CCNI: variants seen among roughly 807,000 people sequenced by gnomAD.
CCNI encodes cyclin I.
In CCNI, 14 loss-of-function variants were observed where a neutral mutation model predicts 34.1. That is an observed-to-expected ratio of 0.41 (90% CI 0.27 to 0.64). The LOEUF is 0.64. Ranked by LOEUF, CCNI falls within the 30% of genes least tolerant of loss-of-function variation. CCNI has a pLI of 0.31. For synonymous variants in CCNI, 154 were observed against 158.4 expected, an observed-to-expected ratio of 0.97 and a Z score of 0.21; for missense variants, 385 against 440.5, an observed-to-expected ratio of 0.87 and a Z score of 1.13.
intron 1 of CCNI, among the ~76,000 whole-genome samples, chr4:77,072,002 C>T (rs1215213185): frequency 1.3e-5 from 2 of 152,102 alleles, no homozygotes; most frequent in Non-Finnish European, 1.5e-5. Context: ...CAAATTCTTC[C>T]CAACTTATTC....
chr4:77,052,558 G>C (rs1253008210), intron 6 of CCNI, among the ~76,000 whole-genome samples: 1 of 152,146 alleles, frequency 6.6e-6, no homozygotes, highest in African/African-American at 2.4e-5. Context: ...ACCATACTTT[G>C]TCTCAAAGTG....
chr4:77,066,251 G>C lies in CCNI; in HGVS notation c.112C>G (p.Gln38Glu). ...TGTCTTAAGAGAAAAATCATTACCT[G>C]ATTTGAAGGCATTTTCCGCACATTC... ...KVNVRKMPSN[Q>E]NVSPSQRDEV... is the part of the protein sequence containing the mutation. The change falls in exon 2 of 7, where the codon CAG becomes GAG. Residue 38 changes from glutamine (Q) to glutamate (E), a missense_variant and splice_region_variant. Gln to Glu is a conservative substitution (Grantham distance 29). Coordinates refer to ENST00000237654, the MANE Select transcript of CCNI (RefSeq NM_006835.3). The C allele has an allele frequency of 6.2e-7, 1 of 1,613,348 alleles. No homozygotes were observed. The highest frequency in any genetic ancestry group is 1.1e-5 in the South Asian group (1 of 91,068).
At chr4:77,066,473 A>G in intron 1 of CCNI, 68 bp from the exon 2 acceptor site, 1 of 1,168,270 alleles carries the variant, frequency 8.6e-7, no homozygotes, top group Non-Finnish European at 1.2e-6. Flanking sequence ...GTACTAATTA[A>G]GCAACTCATA....
intron 2 of CCNI, among the ~76,000 whole-genome samples, chr4:77,065,260 A>C (rs1293428919): frequency 6.6e-6 from 1 of 152,220 alleles, no homozygotes; most frequent in East Asian, 1.9e-4. Flanking sequence ...CACACGAGGA[A>C]CTTACATATT....
At chr4:77,075,207 C>G (rs959723142) in intron 1 of CCNI, 2 of 152,180 alleles carry the variant, frequency 1.3e-5, no homozygotes, top group African/African-American at 4.8e-5. Flanking sequence ...AAAAGTTACT[C>G]GCTGACAGAA....
chr4:77,059,151 AGAT>A (rs1728432990), intron 2 of CCNI, among the ~76,000 whole-genome samples: 1 of 152,124 alleles, frequency 6.6e-6, no homozygotes, highest in Non-Finnish European at 1.5e-5. Context: ...ATACACTTAG[AGAT>A]GATGAAAAAA....
intron 2 of CCNI, chr4:77,064,622 C>CACACAA (rs746851003): frequency 6.7e-6 from 1 of 148,230 alleles, no homozygotes; most frequent in African/African-American, 2.5e-5. Context: ...CACACACACA[C>CACACAA]AAAATATCAC....
chr4:77,053,362 G>A (rs897639305), intron 6 of CCNI, among the ~76,000 whole-genome samples: 3 of 152,142 alleles, frequency 2.0e-5, no homozygotes, highest in Non-Finnish European at 2.9e-5. Context: ...CTACACCAGA[G>A]CTATAAAATA....
intron 3 of CCNI, 131 bp downstream of exon 3, chr4:77,058,376 T>G (rs887944361): frequency 3.6e-6 from 2 of 558,120 alleles, no homozygotes; most frequent in Non-Finnish European, 6.1e-6. Context: ...TGTCTTCTTA[T>G]GGGTACATAC....
rs4252826 is a variant in CCNI at position 77,066,082 on chromosome 4, C to CA, written c.114+166dup. On this transcript the variant is annotated intron_variant, in intron 2 of 6. Transcript: ENST00000237654. ...TGCCACAGCACTCCAGACTGGATGA[C>CA]AGAGTGAGACCCTGTTACACAAAAA... 60 of 587,574 alleles carry CA rather than the reference C, an allele frequency of 1.0e-4. No individual in the cohort carries two copies. In the African/African-American group the frequency reaches 1.1e-3, roughly 10 times the overall value. 36.4% of individuals were successfully genotyped at this position (587,574 alleles called of 1,614,324 possible).
intron 1 of CCNI, among the ~76,000 whole-genome samples, chr4:77,067,140 G>T (rs1729091278): frequency 6.6e-6 from 1 of 152,064 alleles, no homozygotes; most frequent in Non-Finnish European, 1.5e-5. Flanking sequence ...GCTGAAGCAG[G>T]AGAATCGTTT....
chr4:77,062,002 T>C (rs1728639766), intron 2 of CCNI, among the ~76,000 whole-genome samples: 1 of 152,176 alleles, frequency 6.6e-6, no homozygotes, highest in Admixed American at 6.5e-5. Context: ...ACATCTTCCA[T>C]CACTTTCTGT....
At chr4:77,049,476 A>G (rs1727690430) in intron 6 of CCNI, among the ~76,000 whole-genome samples, 1 of 152,162 alleles carries the variant, frequency 6.6e-6, no homozygotes, top group Non-Finnish European at 1.5e-5. Context: ...CCAGAAGTTC[A>G]GACCAGCCTG....
intron 1 of CCNI, 96 bp downstream of exon 1, chr4:77,075,376 G>A (rs1729834799): frequency 2.6e-6 from 1 of 379,586 alleles, no homozygotes; most frequent in Non-Finnish European, 3.6e-6. Context: ...CAAGGGCGCT[G>A]CCACGGGGGC....
intron 1 of CCNI, among the ~76,000 whole-genome samples, chr4:77,068,396 A>G (rs1316420877): frequency 6.6e-6 from 1 of 152,246 alleles, no homozygotes; most frequent in Non-Finnish European, 1.5e-5. Flanking sequence ...GGATATTGGA[A>G]GAGGGTAAAA....
Position 77,048,358 on chromosome 4 carries a change from T to C in CCNI, c.995A>G (p.Asp332Gly). 1 of 1,614,156 alleles carries C rather than the reference T, an allele frequency of 6.2e-7. No homozygotes were observed. Among genetic ancestry groups the C allele is most frequent in the East Asian group, 2.2e-5 (1 of 44,876 alleles). ...GAGCCGTTTGATTCCATCATAGAAG[T>C]CATCCACTTCCATTTCCTCTACTTT... is the stretch of plus-strand genomic sequence containing the variant. ...KRKVEEMEVD[D>G]FYDGIKRLYN... The change falls in exon 7 of 7, where the codon GAC becomes GGC. Residue 332 changes from aspartate to glycine, a missense_variant. Coordinates refer to ENST00000237654, the MANE Select transcript of CCNI (RefSeq NM_006835.3).
intron 6 of CCNI, among the ~76,000 whole-genome samples, chr4:77,051,643 C>T (rs1458070831): frequency 6.6e-6 from 1 of 152,040 alleles, no homozygotes; most frequent in Non-Finnish European, 1.5e-5. Flanking sequence ...CTATAAGACA[C>T]CAAAATAATT....
intron 1 of CCNI, among the ~76,000 whole-genome samples, chr4:77,074,323 G>T (rs770673109): frequency 6.6e-6 from 1 of 152,166 alleles, no homozygotes; most frequent in Non-Finnish European, 1.5e-5. Flanking sequence ...ATCTCTCGGA[G>T]ATTCTCTGGT....
rs1175885590 is a variant in CCNI, at chr4:77,066,354, A to C, written c.9T>G (p.Phe3Leu). ...ATCTCTGGTTTTCCAAAGGCCCTGG[A>C]AACTTCATGATATCCTTTGGATCTG... is the stretch of plus-strand genomic sequence containing the variant. MK[F>L]PGPLENQRLS... Residue 3 changes from phenylalanine (F) to leucine (L), a missense_variant, in exon 2 of 7, where the codon TTT becomes TTG. Around this residue, in one of 2 missense-constraint regions of CCNI, gnomAD observed 135 missense variants for 191.8 expected, o/e 0.70. Coordinates refer to ENST00000237654, the MANE Select transcript of CCNI (RefSeq NM_006835.3). 1.2e-6 allele frequency: 2 copies of C among 1,613,956 alleles called. No homozygotes were observed. The highest frequency in any genetic ancestry group is 8.5e-7 in the Non-Finnish European group (1 of 1,179,856).
Sources: allele counts gnomAD v4.1 joint callset (sites outside exome capture counted in the v4.1 genomes callset), GRCh38; gene constraint gnomAD v4.1.1; regional missense constraint gnomAD v4.1.1; transcripts MANE v1.5; gene names NCBI Gene and HGNC (gene_info 2026-07-23, HGNC 2026-07-21).